TNNI3K: variants seen among roughly 807,000 people sequenced by gnomAD.
The protein encoded by TNNI3K is TNNI3 interacting kinase.
Under a neutral mutation model 114.5 loss-of-function variants are expected in TNNI3K, and 140 were observed. The observed-to-expected ratio is 1.22, with a 90% CI of 1.07 to 1.41. TNNI3K has a LOEUF of 1.41. Among genes scored for constraint, TNNI3K ranks in the 40% most tolerant of loss-of-function variants. The probability of loss-of-function intolerance (pLI) is 0.00; values close to 1 mark genes in which losing one functional copy is unlikely to be tolerated. For synonymous variants in TNNI3K, 347 were observed against 347.5 expected (o/e 1.00, Z 0.02); for missense variants, 1,125 against 1,007.6 (o/e 1.12, Z -1.58).
Position 74,543,932 on chromosome 1 carries a change from A to T in TNNI3K, c.2458A>T (p.Met820Leu). Residue 820 changes from methionine to leucine, a missense_variant, in exon 25 of 25, where the codon ATG (methionine) becomes TTG (leucine). Physicochemically the swap from Met to Leu is conservative, Grantham distance 15. Transcript: ENST00000326637. ...CTATGTATCCGATCCCATGAGCTCA[A>T]TGCATTTTCATTCTTGCCGAAATAG... ...YGYVSDPMSSMHFHSCRNSSS... is the reference protein window; with the variant it reads ...YGYVSDPMSSLHFHSCRNSSS... The T allele has an allele frequency of 6.2e-7, 1 of 1,613,424 alleles. No homozygotes were observed. The highest frequency in any genetic ancestry group is 8.5e-7 in the Non-Finnish European group (1 of 1,179,736).
chr1:74,508,484 C>A (rs532564945), intron 23 of TNNI3K, among the ~76,000 whole-genome samples: 1 of 152,274 alleles, frequency 6.6e-6, no homozygotes, highest in Non-Finnish European at 1.5e-5. Context: ...AGGACTTAAA[C>A]CTGGCCAGAG....
intron 9 of TNNI3K, among the ~76,000 whole-genome samples, chr1:74,348,526 T>A (rs530383822): frequency 5.0e-4 from 76 of 152,348 alleles, no homozygotes; most frequent in African/African-American, 1.7e-3. Flanking sequence ...TTTTTCCAAT[T>A]CTGTGAAGAA....
chr1:74,395,369 G>A (rs781463795), intron 17 of TNNI3K, among the ~76,000 whole-genome samples: 2 of 152,046 alleles, frequency 1.3e-5, no homozygotes, highest in Non-Finnish European at 1.5e-5. Flanking sequence ...GACTCCAGCC[G>A]AGAGGGGAGA....
At chr1:74,300,644 G>A (rs1658268369) in intron 5 of TNNI3K, among the ~76,000 whole-genome samples, 1 of 152,178 alleles carries the variant, frequency 6.6e-6, no homozygotes, top group African/African-American at 2.4e-5. Flanking sequence ...AAATAGGATT[G>A]AGCAGAATTA....
intron 20 of TNNI3K, among the ~76,000 whole-genome samples, chr1:74,446,629 G>C (rs1666698892): frequency 6.6e-6 from 1 of 150,462 alleles, no homozygotes. Context: ...CCTATGTCCT[G>C]AATGGTAATG....
chr1:74,539,693 T>C (rs565196690), intron 23 of TNNI3K, among the ~76,000 whole-genome samples: 4 of 152,220 alleles, frequency 2.6e-5, no homozygotes, highest in Non-Finnish European at 4.4e-5. Flanking sequence ...GACAAGTTAC[T>C]TAATTGTTCC....
chr1:74,242,439 A>G (rs183288840), intron 2 of TNNI3K, among the ~76,000 whole-genome samples: 76 of 152,268 alleles, frequency 5.0e-4, no homozygotes, highest in Admixed American at 7.2e-4. Context: ...AAAACAAAAT[A>G]TCTTCTAAAA....
chr1:74,304,080 A>T (rs748422081), intron 5 of TNNI3K, among the ~76,000 whole-genome samples: 2 of 152,220 alleles, frequency 1.3e-5, no homozygotes, highest in Non-Finnish European at 2.9e-5. Flanking sequence ...CCTGGTGAAG[A>T]TACTGTGAAC....
intron 5 of TNNI3K, among the ~76,000 whole-genome samples, chr1:74,330,043 AAATG>A (rs1401377873): frequency 6.6e-6 from 1 of 152,114 alleles, no homozygotes; most frequent in African/African-American, 2.4e-5. Context: ...TCCACAATGA[AAATG>A]AACACATTTG....
chr1:74,280,633 A>G (rs910822960), intron 5 of TNNI3K, among the ~76,000 whole-genome samples: 2 of 152,224 alleles, frequency 1.3e-5, no homozygotes, highest in African/African-American at 2.4e-5. Flanking sequence ...GGGAGCATTT[A>G]GACCAGCCTC....
At chr1:74,428,338 G>C (rs1056497805) in intron 17 of TNNI3K, among the ~76,000 whole-genome samples, 3 of 152,062 alleles carry the variant, frequency 2.0e-5, no homozygotes, top group Non-Finnish European at 4.4e-5. Context: ...ACAGAACCAA[G>C]GGTATATACG....
chr1:74,522,219 G>T (rs1177671948), intron 23 of TNNI3K, among the ~76,000 whole-genome samples: 2 of 152,194 alleles, frequency 1.3e-5, no homozygotes, highest in African/African-American at 4.8e-5. Flanking sequence ...CAAGGTTATA[G>T]ACTCAGGGGC....
chr1:74,327,212 A>G (rs1258754397), intron 5 of TNNI3K, among the ~76,000 whole-genome samples: 2 of 151,622 alleles, frequency 1.3e-5, no homozygotes, highest in Non-Finnish European at 2.9e-5. Context: ...TGTAAAGGGT[A>G]ATTCATACAG....
chr1:74,452,089 G>A (rs754360022), intron 20 of TNNI3K, among the ~76,000 whole-genome samples: 4 of 151,886 alleles, frequency 2.6e-5, no homozygotes, highest in Non-Finnish European at 5.9e-5. Flanking sequence ...AAATTCTTAT[G>A]TCCTGTAAAA....
At chr1:74,256,463 G>T (rs1655316131) in intron 4 of TNNI3K, among the ~76,000 whole-genome samples, 1 of 151,384 alleles carries the variant, frequency 6.6e-6, no homozygotes, top group South Asian at 2.1e-4. Context: ...TTTGCCATTT[G>T]TAATTTTGTT....
rs550936097 is a variant in TNNI3K, at chr1:74,490,478, G to A, written c.2181+1230G>A. ...CAGAAAAAAGGAATCCACCATGATAGGATCTACAAACATGATAGGATCTAC... is the reference window on the plus strand; with the variant it reads ...CAGAAAAAAGGAATCCACCATGATAAGATCTACAAACATGATAGGATCTAC... On this transcript the variant is annotated intron_variant, in intron 22 of 24. Transcript: ENST00000326637. Among the ~76,000 whole-genome samples, 7 of 152,246 alleles carry A rather than the reference G, an allele frequency of 4.6e-5. 1 individual carries two copies. The South Asian group carries it at 1.5e-3, about 32-fold the overall frequency.
In TNNI3K at chr1:74,252,277, G is replaced by GT. The variant is rs956925553; in HGVS notation, c.333+1515dup. Reference sequence around the variant, plus strand: ...AGAGTTTTCTTTGCTCTATTTTTATGTTTTTTTCTATTTTAGAGAAGGGTG... The same window carrying GT: ...AGAGTTTTCTTTGCTCTATTTTTATGTTTTTTTTCTATTTTAGAGAAGGGTG... On this transcript the variant is annotated intron_variant, in intron 4 of 24. Coordinates refer to ENST00000326637, the MANE Select transcript of TNNI3K (RefSeq NM_015978.3). Among the ~76,000 whole-genome samples the GT allele has an allele frequency of 1.2e-3, 189 of 151,856 alleles. 2 individuals are homozygous for GT. The highest frequency in any genetic ancestry group is 4.3e-3 in the African/African-American group (176 of 41,402).
intron 2 of TNNI3K, among the ~76,000 whole-genome samples, chr1:74,246,549 CA>C (rs1248951408): frequency 1.3e-5 from 2 of 152,016 alleles, no homozygotes; most frequent in Admixed American, 1.3e-4. Context: ...TTCTATTGTC[CA>C]GCAAATGAAA....
chr1:74,326,295 G>T (rs1659897833), intron 5 of TNNI3K, among the ~76,000 whole-genome samples: 1 of 151,946 alleles, frequency 6.6e-6, no homozygotes, highest in South Asian at 2.1e-4. Context: ...TGGGACATTT[G>T]GTTCCTCTTT....
Sources: gnomAD v4.1 joint callset for allele counts (sites outside exome capture counted in the v4.1 genomes callset) on GRCh38, gnomAD v4.1.1 for gene constraint, MANE v1.5 for transcripts, NCBI Gene and HGNC (gene_info 2026-07-23, HGNC 2026-07-21) for gene names.